The following ANGPT1 variants were observed in gnomAD, a reference collection of about 807,000 sequenced individuals.
ANGPT1 encodes angiopoietin 1.
A neutral mutation model predicts 62.2 loss-of-function variants in ANGPT1; 17 were observed. The observed-to-expected ratio is 0.27, with a 90% CI of 0.19 to 0.41. ANGPT1 has a LOEUF of 0.41. ANGPT1 is among the 10% of genes least tolerant of loss of function. The pLI is 1.00. For synonymous variants in ANGPT1, 199 were observed against 198.9 expected (o/e 1.00, Z 0.00); for missense variants, 478 against 594.9 (o/e 0.80, Z 2.04).
At chr8:107,279,894 T>C (rs936223901) in intron 7 of ANGPT1, among the ~76,000 whole-genome samples, 3 of 152,088 alleles carry the variant, frequency 2.0e-5, no homozygotes, top group African/African-American at 2.4e-5. Flanking sequence ...GCACAGAGTA[T>C]CCAAATTGGC....
chr8:107,351,735 T>C (rs918489897), intron 1 of ANGPT1, among the ~76,000 whole-genome samples: 1 of 152,120 alleles, frequency 6.6e-6, no homozygotes, highest in Non-Finnish European at 1.5e-5. Flanking sequence ...CCAGTACTTT[T>C]AATAGAATGG....
chr8:107,274,763 C>CA (rs1161531574), intron 7 of ANGPT1, among the ~76,000 whole-genome samples: 1 of 151,862 alleles, frequency 6.6e-6, no homozygotes. Flanking sequence ...TGGATTCGCA[C>CA]AAAAAAATCA....
chr8:107,332,046 G>A (rs534608764), intron 3 of ANGPT1, among the ~76,000 whole-genome samples: 1 of 152,236 alleles, frequency 6.6e-6, no homozygotes, highest in South Asian at 2.1e-4. Flanking sequence ...CAAACCTTTC[G>A]ACTAACAGAC....
intron 1 of ANGPT1, among the ~76,000 whole-genome samples, chr8:107,446,640 T>C (rs541021786): frequency 6.6e-6 from 1 of 152,330 alleles, no homozygotes; most frequent in African/African-American, 2.4e-5. Context: ...TAGCTATGGC[T>C]AAGCAGGGAG....
intron 1 of ANGPT1, among the ~76,000 whole-genome samples, chr8:107,446,434 A>G (rs576282274): frequency 1.3e-5 from 2 of 152,334 alleles, no homozygotes; most frequent in Admixed American, 6.5e-5. Flanking sequence ...TAAGCAGCAT[A>G]TGATAAGTTC....
chr8:107,483,026 TA>T (rs112238690), intron 1 of ANGPT1, among the ~76,000 whole-genome samples: 25 of 151,550 alleles, frequency 1.6e-4, no homozygotes, highest in Admixed American at 1.1e-3. Flanking sequence ...TTTGAAACAT[TA>T]AAAAAAAACT....
chr8:107,360,445 C>A, intron 1 of ANGPT1, among the ~76,000 whole-genome samples: 1 of 152,190 alleles, frequency 6.6e-6, no homozygotes, highest in East Asian at 1.9e-4. Context: ...TCTTTGATGC[C>A]CGGGTCACTC....
rs150198381 is a variant in ANGPT1, at chr8:107,264,220, C to T, written c.1336+1G>A. ...TTAGAGAATGGCCCCATAGGACTTACCTCCTGTTAACATGAGGGCACATTT... is the reference window on the plus strand; with the variant it reads ...TTAGAGAATGGCCCCATAGGACTTATCTCCTGTTAACATGAGGGCACATTT... On this transcript the variant is annotated splice_donor_variant, in intron 8 of 8. Transcript: ENST00000517746. LOFTEE classifies it high-confidence loss of function. 1 of 1,612,778 alleles carries T rather than the reference C, an allele frequency of 6.2e-7. No individual in the cohort carries two copies. The highest frequency in any genetic ancestry group is 8.5e-7 in the Non-Finnish European group (1 of 1,179,390).
At chr8:107,275,873 G>T (rs1198084833) in intron 7 of ANGPT1, among the ~76,000 whole-genome samples, 1 of 152,078 alleles carries the variant, frequency 6.6e-6, no homozygotes, top group Non-Finnish European at 1.5e-5. Flanking sequence ...GGACAGCAGT[G>T]GTCTGAGTCT....
intron 4 of ANGPT1, among the ~76,000 whole-genome samples, chr8:107,314,400 T>C (rs1814962899): frequency 6.6e-6 from 1 of 152,196 alleles, no homozygotes; most frequent in South Asian, 2.1e-4. Flanking sequence ...GGTTTAGAAA[T>C]AGTTCATGGG....
chr8:107,329,776 T>G (rs1815377799), intron 3 of ANGPT1, among the ~76,000 whole-genome samples: 1 of 152,030 alleles, frequency 6.6e-6, no homozygotes, highest in Non-Finnish European at 1.5e-5. Flanking sequence ...CAAAATGCAT[T>G]TAATACTAAA....
At chr8:107,365,501 C>G (rs111306990) in intron 1 of ANGPT1, among the ~76,000 whole-genome samples, 5 of 152,218 alleles carry the variant, frequency 3.3e-5, no homozygotes, top group African/African-American at 1.2e-4. Flanking sequence ...TCCTGTGACT[C>G]TCACCATTAA....
intron 1 of ANGPT1, among the ~76,000 whole-genome samples, chr8:107,351,040 T>C (rs918591652): frequency 3.9e-5 from 6 of 152,060 alleles, no homozygotes; most frequent in African/African-American, 1.4e-4. Flanking sequence ...GTTCAATATT[T>C]TATAAACATC....
chr8:107,497,308 T>C lies in ANGPT1; in HGVS notation c.251A>G (p.Gln84Arg). ...ATTTTCCATCACATGTTCCAGATGT[T>C]GAAGTTTCTGGGAAGAGAAATCCGG... ...VEPDFSSQKL[Q>R]HLEHVMENYT... The change falls in exon 1 of 9, where the codon CAA becomes CGA. Residue 84 changes from glutamine to arginine, a missense_variant. By Grantham distance (43) the Gln-to-Arg change is conservative. Coordinates refer to ENST00000517746, the MANE Select transcript of ANGPT1 (RefSeq NM_001146.5). 1 of 1,614,208 alleles carries C rather than the reference T, an allele frequency of 6.2e-7. No individual in the cohort carries two copies. Among genetic ancestry groups the C allele is most frequent in the Non-Finnish European group, 8.5e-7 (1 of 1,180,026 alleles).
intron 1 of ANGPT1, among the ~76,000 whole-genome samples, chr8:107,401,180 C>T (rs1817040182): frequency 6.6e-6 from 1 of 152,008 alleles, no homozygotes; most frequent in Admixed American, 6.5e-5. Context: ...TCTTTATTGT[C>T]AGTACTTCTT....
At chr8:107,425,267 G>T (rs1344959339) in intron 1 of ANGPT1, among the ~76,000 whole-genome samples, 1 of 152,150 alleles carries the variant, frequency 6.6e-6, no homozygotes, top group Non-Finnish European at 1.5e-5. Context: ...TGGAATTCAG[G>T]CTCAGCAATA....
At chr8:107,289,480 T>TA (rs1418290964) in intron 6 of ANGPT1, among the ~76,000 whole-genome samples, 1 of 152,090 alleles carries the variant, frequency 6.6e-6, no homozygotes, top group Non-Finnish European at 1.5e-5. Context: ...ACAAATTATT[T>TA]AAAAAATAAA....
At chr8:107,365,390 G>A (rs527793593) in intron 1 of ANGPT1, among the ~76,000 whole-genome samples, 1 of 152,258 alleles carries the variant, frequency 6.6e-6, no homozygotes, top group East Asian at 1.9e-4. Context: ...CAGGGGCTTA[G>A]CACTTCTTTA....
chr8:107,285,973 G>C (rs1814130980), intron 6 of ANGPT1, among the ~76,000 whole-genome samples: 1 of 152,108 alleles, frequency 6.6e-6, no homozygotes, highest in Non-Finnish European at 1.5e-5. Flanking sequence ...GAAAGGAAAG[G>C]ATAGAGGAAA....
Sources: gnomAD v4.1 joint callset for allele counts (sites outside exome capture counted in the v4.1 genomes callset) on GRCh38, gnomAD v4.1.1 for gene constraint, MANE v1.5 for transcripts, NCBI Gene and HGNC (gene_info 2026-07-23, HGNC 2026-07-21) for gene names.